ADGRA2: variants seen among roughly 807,000 people sequenced by gnomAD.
ADGRA2 encodes adhesion G protein-coupled receptor A2, also known as G-protein coupled receptor 124.
ADGRA2 carries 61 observed loss-of-function variants against 98.7 expected under a neutral mutation model. The ratio of observed to expected loss-of-function variants is 0.62; its 90% CI spans 0.50 to 0.76. The LOEUF (loss-of-function observed/expected upper bound fraction) is 0.76, where lower values mean the gene tolerates loss of function less well. ADGRA2 is among the 30% of genes least tolerant of loss of function. The probability of loss-of-function intolerance (pLI) is 0.00; values close to 1 mark genes in which losing one functional copy is unlikely to be tolerated. For synonymous variants in ADGRA2, 858 were observed against 831.5 expected, an observed-to-expected ratio of 1.03 and a Z score of -0.55; for missense variants, 1,712 against 1,860.0, an observed-to-expected ratio of 0.92 and a Z score of 1.46.
chr8:37,800,240 G>T lies in ADGRA2; in HGVS notation c.266+2706G>T, dbSNP rs116386640. Among the ~76,000 whole-genome samples the T allele has an allele frequency of 6.8e-3, 1,039 of 152,356 alleles. 8 individuals carry two copies. Among genetic ancestry groups the T allele is most frequent in the African/African-American group, 0.024 (1,009 of 41,576 alleles). On this transcript the variant is annotated intron_variant, in intron 1 of 18. Coordinates refer to ENST00000412232, the MANE Select transcript of ADGRA2 (RefSeq NM_032777.10). ...GCACAGGAGTCAGTAAGGCTGAAAT[G>T]CTCTCTCCACAGAGGAGAGATGTAT... is the stretch of plus-strand genomic sequence containing the variant.
Position 37,842,142 on chromosome 8 carries a change from G to A in ADGRA2, c.3804G>A (p.Arg1268=). 6.6e-7 allele frequency: 1 copy of A among 1,505,424 alleles called. No individual in the cohort carries two copies. The highest frequency in any genetic ancestry group is 8.8e-7 in the Non-Finnish European group (1 of 1,133,566). The allele number at this position is 1,505,424 out of a possible 1,614,324, so 93.3% of individuals were successfully genotyped here. ...TSAAPLSEAG[R]AGQRRSASRD... The stretch of plus-strand genomic sequence containing the variant: ...CCGCGCCGCTTTCTGAGGCGGGCCG[G>A]GCAGGCCAGCGCCGCAGCGCCAGCC... Residue 1268 remains arginine, a synonymous_variant, in exon 19 of 19, where the codon CGG becomes CGA. Transcript: ENST00000412232.
intron 13 of ADGRA2, among the ~76,000 whole-genome samples, chr8:37,836,842 C>T (rs1361378752): frequency 1.3e-5 from 2 of 152,210 alleles, no homozygotes; most frequent in Non-Finnish European, 2.9e-5. Context: ...CACTGCCACC[C>T]CACCGTGGGT....
rs775067436 is a variant in ADGRA2, at chr8:37,830,747, G to A, written c.756G>A (p.Pro252=). 1.1e-5 allele frequency: 17 copies of A among 1,605,814 alleles called. No homozygotes were observed. The highest frequency in any genetic ancestry group is 6.8e-5 in the Admixed American group (4 of 59,222). ...ALELHTHHLI[P]SLRQVVFQGD... ...AGCTGCACACACACCACCTCATCCCGTCCCTACGCCAAGTGGTGTTCCAGG... is the reference window on the plus strand; with the variant it reads ...AGCTGCACACACACCACCTCATCCCATCCCTACGCCAAGTGGTGTTCCAGG... The change falls in exon 7 of 19, where the codon CCG becomes CCA. Residue 252 remains proline (P), a synonymous_variant. Transcript: ENST00000412232. The surrounding 1 kb of genome is among the most constrained non-coding windows in gnomAD (Gnocchi z 4.8).
At chr8:37,798,449 C>T (rs185394894) in intron 1 of ADGRA2, among the ~76,000 whole-genome samples, 87 of 152,340 alleles carry the variant, frequency 5.7e-4, no homozygotes, top group African/African-American at 2.0e-3. Context: ...AAGCCTCCTA[C>T]AAGGGGGTCG....
chr8:37,822,283 G>T (rs1805147879), intron 2 of ADGRA2, among the ~76,000 whole-genome samples: 1 of 152,048 alleles, frequency 6.6e-6, no homozygotes, highest in Admixed American at 6.6e-5. Flanking sequence ...GCTGCTTTGT[G>T]GCCTCCGAAC....
At chr8:37,838,398 T>C (rs566992749) in intron 14 of ADGRA2, among the ~76,000 whole-genome samples, 4 of 152,152 alleles carry the variant, frequency 2.6e-5, no homozygotes, top group African/African-American at 9.6e-5. Flanking sequence ...ATTACAGGCG[T>C]GTGCCACCAT....
chr8:37,840,898 G>C, intron 18 of ADGRA2, 49 bp downstream of exon 18: 4 of 875,106 alleles, frequency 4.6e-6, no homozygotes, highest in East Asian at 9.3e-5. Flanking sequence ...AACACCAGAT[G>C]CCTTCCACTC....
Position 37,799,370 on chromosome 8 carries a change from G to A in ADGRA2, c.266+1836G>A, listed in dbSNP as rs560623257. 2.7e-5 allele frequency among the ~76,000 whole-genome samples: 4 copies of A among 146,788 alleles called. No homozygotes were observed. The East Asian group carries it at 6.0e-4, about 22-fold the overall frequency. ...AGCCTGGGCGACAGAGCGAGACTCCGTATAAAAAAAAAAAAAAAAAGAATT... is the reference window on the plus strand; with the variant it reads ...AGCCTGGGCGACAGAGCGAGACTCCATATAAAAAAAAAAAAAAAAAGAATT... On this transcript the variant is annotated intron_variant, in intron 1 of 18. Transcript: ENST00000412232.
At chr8:37,809,068 C>A (rs757721000) in intron 1 of ADGRA2, among the ~76,000 whole-genome samples, 1 of 152,138 alleles carries the variant, frequency 6.6e-6, no homozygotes, top group Non-Finnish European at 1.5e-5. Context: ...AGTGATCCAC[C>A]CACCTTGGCC....
chr8:37,842,076 C>T lies in ADGRA2; in HGVS notation c.3738C>T (p.Gly1246=). 1 of 1,516,438 alleles carries T rather than the reference C, an allele frequency of 6.6e-7. No individual in the cohort carries two copies. The highest frequency in any genetic ancestry group is 8.8e-7 in the Non-Finnish European group (1 of 1,139,694). 93.9% of individuals were successfully genotyped at this position (1,516,438 alleles called of 1,614,324 possible). The change falls in exon 19 of 19, where the codon GGC becomes GGT. Residue 1246 remains glycine (G), a synonymous_variant. Coordinates refer to ENST00000412232, the MANE Select transcript of ADGRA2 (RefSeq NM_032777.10). The part of the protein sequence containing the change: ...NSPGAGLQLE[G]EPMLTPSEGS... Reference sequence around the variant, plus strand: ...CGGGCGCCGGCCTGCAGCTGGAAGGCGAGCCCATGCTCACGCCGTCCGAGG... The same window carrying T: ...CGGGCGCCGGCCTGCAGCTGGAAGGTGAGCCCATGCTCACGCCGTCCGAGG...
intron 8 of ADGRA2, 37 bp from the exon 9 acceptor site, chr8:37,832,973 G>T (rs1382187560): frequency 6.5e-7 from 1 of 1,530,402 alleles, no homozygotes; most frequent in Non-Finnish European, 9.0e-7. Context: ...GTTCTGAGAA[G>T]CCCGGTTCAT....
chr8:37,842,111 C>T lies in ADGRA2; in HGVS notation c.3773C>T (p.Thr1258Ile). 1 of 1,503,174 alleles carries T rather than the reference C, an allele frequency of 6.7e-7. No homozygotes were observed. Among genetic ancestry groups the T allele is most frequent in the Non-Finnish European group, 8.8e-7 (1 of 1,133,910 alleles). 93.1% of individuals were successfully genotyped at this position (1,503,174 alleles called of 1,614,324 possible). Residue 1258 changes from threonine to isoleucine, a missense_variant, in exon 19 of 19, where the codon ACC (threonine) becomes ATC (isoleucine). Thr to Ile is a moderately conservative substitution (Grantham distance 89). Transcript: ENST00000412232. ...CTCACGCCGTCCGAGGGCAGCGACA[C>T]CAGCGCCGCGCCGCTTTCTGAGGCG... ...PMLTPSEGSD[T>I]SAAPLSEAGR...
chr8:37,833,239 C>G, intron 9 of ADGRA2, 31 bp downstream of exon 9: 1 of 1,537,260 alleles, frequency 6.5e-7, no homozygotes, highest in Non-Finnish European at 8.9e-7. Context: ...CCCACCAGCT[C>G]TGCTTCGGGG....
Position 37,797,186 on chromosome 8 carries a change from G to A in ADGRA2, c.-83G>A, listed in dbSNP as rs1804352588. The stretch of plus-strand genomic sequence containing the variant: ...CTCGGGAGCCCCGGGCCCCCGCTGA[G>A]CACTCCTCCCGCACGCCTGGGTCCC... On this transcript the variant is annotated 5_prime_UTR_variant, in exon 1 of 19. Coordinates refer to ENST00000412232, the MANE Select transcript of ADGRA2 (RefSeq NM_032777.10). The surrounding 1 kb of genome is among the most constrained non-coding windows in gnomAD (Gnocchi z 5.3). The A allele has an allele frequency of 2.0e-5, 22 of 1,095,686 alleles. No individual in the cohort carries two copies. In the South Asian group the frequency reaches 4.6e-4, roughly 23 times the overall value. The allele number at this position is 1,095,686 out of a possible 1,614,324, so 67.9% of individuals were successfully genotyped here. A position where few individuals can be genotyped will look rare whatever the true frequency, so the allele number is the denominator to read the frequency against.
At position 37,842,091 on chromosome 8, in the gene ADGRA2, G is replaced by A; in HGVS notation, c.3753G>A (p.Thr1251=). 6.6e-7 allele frequency: 1 copy of A among 1,512,508 alleles called. No homozygotes were observed. Among genetic ancestry groups the A allele is most frequent in the African/African-American group, 1.4e-5 (1 of 69,698 alleles). The allele number at this position is 1,512,508 out of a possible 1,614,324, so 93.7% of individuals were successfully genotyped here. ...GLQLEGEPML[T]PSEGSDTSAA... ...AGCTGGAAGGCGAGCCCATGCTCAC[G>A]CCGTCCGAGGGCAGCGACACCAGCG... Residue 1251 remains threonine (T), a synonymous_variant, in exon 19 of 19, where the codon ACG becomes ACA. Coordinates refer to ENST00000412232, the MANE Select transcript of ADGRA2 (RefSeq NM_032777.10).
Position 37,839,756 on chromosome 8 carries a change from C to T in ADGRA2, c.2511+134C>T, listed in dbSNP as rs927146050. ...GGCTCCATGGCTTCCTCTGTGGCAG[C>T]CTTGGAAGGCAGGGATGGTGGGTCG... On this transcript the variant is annotated intron_variant, in intron 16 of 18. Transcript: ENST00000412232. The T allele has an allele frequency of 2.3e-5, 26 of 1,136,478 alleles. No homozygotes were observed. The African/African-American group carries it at 4.0e-4, about 18-fold the overall frequency. 70.4% of individuals were successfully genotyped at this position (1,136,478 alleles called of 1,614,324 possible). A position where few individuals can be genotyped will look rare whatever the true frequency, so the allele number is the denominator to read the frequency against.
chr8:37,844,534 G>A lies in ADGRA2; in HGVS notation c.*2179G>A, dbSNP rs1465630073. 1 of 1,613,746 alleles carries A rather than the reference G, an allele frequency of 6.2e-7. No individual in the cohort carries two copies. Among genetic ancestry groups the A allele is most frequent in the Non-Finnish European group, 8.5e-7 (1 of 1,180,018 alleles). ...CTCGTGGCAGCCTGTCTAGCAGCCT[G>A]GGCTCTCTGAAAGTCCCTAACTTCC... On this transcript the variant is annotated 3_prime_UTR_variant, in exon 19 of 19. Coordinates refer to ENST00000412232, the MANE Select transcript of ADGRA2 (RefSeq NM_032777.10).
At chr8:37,836,085 ACACACACACACAC>A (rs1805606495) in intron 13 of ADGRA2, among the ~76,000 whole-genome samples, 4 of 123,902 alleles carry the variant, frequency 3.2e-5, no homozygotes, top group African/African-American at 1.3e-4. Flanking sequence ...ACACACACAC[ACACACACACACAC>A]CCCACAGGCC....
At chr8:37,821,986 G>A (rs1053042708) in intron 2 of ADGRA2, among the ~76,000 whole-genome samples, 15 of 152,144 alleles carry the variant, frequency 9.9e-5, no homozygotes, top group African/African-American at 3.1e-4. Context: ...GAGGAATGCC[G>A]CAGACAAGCT....
Sources: gnomAD v4.1 joint callset for allele counts (sites outside exome capture counted in the v4.1 genomes callset) on GRCh38, gnomAD v4.1.1 for gene constraint, Gnocchi (gnomAD v3.1) non-coding constraint, MANE v1.5 for transcripts, NCBI Gene and HGNC (gene_info 2026-07-23, HGNC 2026-07-21) for gene names.